The following CCDC57 variants were observed in gnomAD, a reference collection of about 807,000 sequenced individuals.
The protein encoded by CCDC57 is coiled-coil domain containing 57.
In CCDC57, 118 loss-of-function variants were observed where a neutral mutation model predicts 118.9. That is an observed-to-expected ratio of 0.99 (90% CI 0.86 to 1.16). The LOEUF is 1.16. Ranked by LOEUF, CCDC57 falls within the 50% of genes most tolerant of loss-of-function variation. CCDC57 has a pLI of 0.00. For synonymous variants in CCDC57, 527 were observed against 532.9 expected (o/e 0.99, Z 0.15); for missense variants, 1,300 against 1,320.7 (o/e 0.98, Z 0.24).
intron 1 of CCDC57, among the ~76,000 whole-genome samples, chr17:82,208,491 G>A (rs904274533): frequency 2.6e-5 from 4 of 151,806 alleles, no homozygotes; most frequent in African/African-American, 9.7e-5. Context: ...TCCTGACCTC[G>A]TGATTCACCC....
chr17:82,207,842 C>A (rs2049855338), intron 2 of CCDC57: 1 of 152,188 alleles, frequency 6.6e-6, no homozygotes, highest in Non-Finnish European at 1.5e-5. Flanking sequence ...GGACTGAGCC[C>A]TCACCCTGTG....
At chr17:82,135,023 G>A (rs1006078291) in intron 16 of CCDC57, 3 of 152,104 alleles carry the variant, frequency 2.0e-5, no homozygotes, top group Non-Finnish European at 4.4e-5. Flanking sequence ...AATCAGTTTC[G>A]TTAAACTCAC....
chr17:82,111,578 G>T (rs952447960), intron 19 of CCDC57, among the ~76,000 whole-genome samples: 8 of 151,916 alleles, frequency 5.3e-5, no homozygotes, highest in Admixed American at 3.9e-4. Context: ...GCCTTGTTTT[G>T]AAATAAAGTT....
At chr17:82,157,760 G>T in exon 15 of CCDC57, 1 of 1,597,828 alleles carries the variant, frequency 6.3e-7, no homozygotes, top group Non-Finnish European at 8.5e-7. Context: ...CTCTCCCAAG[G>T]GCCACGGCGT....
intron 8 of CCDC57, among the ~76,000 whole-genome samples, chr17:82,184,325 A>G (rs2046672036): frequency 6.6e-6 from 1 of 151,104 alleles, no homozygotes; most frequent in Non-Finnish European, 1.5e-5. Flanking sequence ...TGACCAAGTC[A>G]CCCTCATGTC....
chr17:82,149,890 C>T (rs1316117415), intron 16 of CCDC57, among the ~76,000 whole-genome samples: 2 of 150,158 alleles, frequency 1.3e-5, no homozygotes, highest in Non-Finnish European at 3.0e-5. Context: ...CTGGCGCACA[C>T]CCAGAACCAG....
At chr17:82,158,914 G>A (rs1488456395) in intron 14 of CCDC57, among the ~76,000 whole-genome samples, 2 of 151,766 alleles carry the variant, frequency 1.3e-5, no homozygotes, top group East Asian at 2.0e-4. Context: ...GCAGAGTGGC[G>A]CGATCGTGGC....
chr17:82,161,239 A>C (rs1260045151), intron 14 of CCDC57, among the ~76,000 whole-genome samples: 1 of 152,168 alleles, frequency 6.6e-6, no homozygotes, highest in Non-Finnish European at 1.5e-5. Flanking sequence ...CGGAACCCTC[A>C]CACAGTGCTG....
rs567157874 is a variant in CCDC57 at position 82,119,391 on chromosome 17, A to G, written c.2899+8301T>C. On this transcript the variant is annotated intron_variant, in intron 19 of 19. Coordinates refer to ENST00000665763, the Ensembl canonical transcript of CCDC57. The stretch of plus-strand genomic sequence containing the variant: ...CTCACAGTTATCTCCCTGTACGTGG[A>G]GCAGACAGGAATCAAGGATCATGCC... Among the ~76,000 whole-genome samples, 7 of 151,806 alleles carry G rather than the reference A, an allele frequency of 4.6e-5. No homozygotes were observed. In the East Asian group the frequency reaches 1.2e-3, roughly 26 times the overall value.
In CCDC57 at chr17:82,163,194, C is replaced by T. The variant is rs2043564572; in HGVS notation, c.2040+6G>A. ...GAGGATGACCCCACAAACTTGACTG[C>T]CTCACCTTCTGTCTGAGTCGTGTCA... is the stretch of plus-strand genomic sequence containing the variant. On this transcript the variant is annotated splice_donor_region_variant and intron_variant, in intron 14 of 19. Coordinates refer to ENST00000665763, the Ensembl canonical transcript of CCDC57. 8 of 1,612,876 alleles carry T rather than the reference C, an allele frequency of 5.0e-6. No individual in the cohort carries two copies. The highest frequency in any genetic ancestry group is 6.8e-6 in the Non-Finnish European group (8 of 1,179,018).
At chr17:82,106,691 T>C (rs1270917200) in intron 19 of CCDC57, 1 of 152,360 alleles carries the variant, frequency 6.6e-6, no homozygotes, top group Non-Finnish European at 1.5e-5. Context: ...AAGTGAGGAA[T>C]GCTGGCCTCA....
At chr17:82,186,842 T>C (rs958505787) in intron 8 of CCDC57, among the ~76,000 whole-genome samples, 2 of 152,032 alleles carry the variant, frequency 1.3e-5, no homozygotes, top group African/African-American at 4.8e-5. Flanking sequence ...CTGCGGAGGC[T>C]GAGGCGGGAG....
chr17:82,144,480 T>G (rs1360226077), intron 16 of CCDC57, among the ~76,000 whole-genome samples: 2 of 152,152 alleles, frequency 1.3e-5, no homozygotes, highest in Non-Finnish European at 2.9e-5. Flanking sequence ...TCCATTTCCC[T>G]TTTCTCTTTC....
rs545067846 is a variant in CCDC57, at chr17:82,135,520, C to T, written c.2456-1326G>A. On this transcript the variant is annotated intron_variant, in intron 16 of 19. Transcript: ENST00000665763. Reference sequence around the variant, plus strand: ...GATTAGCTCTGCCCTGTGGACATCCCGAGATGGGCCCTCAAGTAAAGCATC... The same window carrying T: ...GATTAGCTCTGCCCTGTGGACATCCTGAGATGGGCCCTCAAGTAAAGCATC... 3 of 152,216 alleles carry T rather than the reference C, an allele frequency of 2.0e-5. No individual in the cohort carries two copies. In the East Asian group the frequency reaches 5.8e-4, roughly 29 times the overall value. 9.4% of individuals were successfully genotyped at this position (152,216 alleles called of 1,614,324 possible). A position where few individuals can be genotyped will look rare whatever the true frequency, so the allele number is the denominator to read the frequency against.
chr17:82,193,695 A>G, intron 7 of CCDC57, 61 bp downstream of exon 6: 8 of 1,451,430 alleles, frequency 5.5e-6, no homozygotes, highest in South Asian at 1.2e-5. Flanking sequence ...CAATGGTTCC[A>G]CTTCCCTCCT....
chr17:82,152,291 C>G (rs1015752819), intron 15 of CCDC57: 1 of 158,380 alleles, frequency 6.3e-6, no homozygotes, highest in Non-Finnish European at 1.4e-5. Context: ...CCCTCCTCCA[C>G]TCCTTGGGGT....
intron 13 of CCDC57, among the ~76,000 whole-genome samples, chr17:82,170,194 G>T (rs1264926703): frequency 2.0e-5 from 3 of 152,042 alleles, no homozygotes; most frequent in Admixed American, 6.6e-5. Flanking sequence ...CTAAGGCTGG[G>T]GCCCTGGACT....
At chr17:82,173,602 C>T (rs766116673) in intron 11 of CCDC57, among the ~76,000 whole-genome samples, 2 of 152,186 alleles carry the variant, frequency 1.3e-5, no homozygotes, top group Non-Finnish European at 2.9e-5. Flanking sequence ...TGAAAGCCGA[C>T]ATCACAGATG....
At chr17:82,203,414 G>A (rs1476703625) in intron 2 of CCDC57, among the ~76,000 whole-genome samples, 4 of 152,134 alleles carry the variant, frequency 2.6e-5, no homozygotes, top group Non-Finnish European at 4.4e-5. Context: ...TATACCATCC[G>A]AGAGTACATT....
Sources: gnomAD v4.1 joint callset for allele counts (sites outside exome capture counted in the v4.1 genomes callset) on GRCh38, gnomAD v4.1.1 for gene constraint, MANE v1.5 for transcripts, NCBI Gene and HGNC (gene_info 2026-07-23, HGNC 2026-07-21) for gene names.